The following CRYZ variants were observed in gnomAD, a reference collection of about 807,000 sequenced individuals.
The protein encoded by CRYZ is zeta-crystallin.
A neutral mutation model predicts 34.1 loss-of-function variants in CRYZ; 35 were observed. The ratio of observed to expected loss-of-function variants is 1.03; its 90% CI spans 0.78 to 1.36. CRYZ has a LOEUF of 1.36. Among genes scored for constraint, CRYZ ranks in the 40% most tolerant of loss-of-function variants. CRYZ has a pLI of 0.00. For missense variants in CRYZ, 403 were observed against 391.8 expected (o/e 1.03, Z -0.24); for synonymous variants, 137 against 136.5 (o/e 1.00, Z -0.03).
intron 2 of CRYZ, 87 bp from the exon 3 acceptor site, chr1:74,723,357 T>C: frequency 7.7e-7 from 1 of 1,306,300 alleles, no homozygotes; most frequent in Non-Finnish European, 1.1e-6. Flanking sequence ...ATGGGAGCTA[T>C]CAAAATGGGA....
At position 74,724,650 on chromosome 1, in the gene CRYZ, A is replaced by G. The variant is rs538903754; in HGVS notation, c.111+61T>C. The G allele has an allele frequency of 2.1e-5, 22 of 1,025,540 alleles. No homozygotes were observed. The African/African-American group carries it at 2.8e-4, about 13-fold the overall frequency. The allele number at this position is 1,025,540 out of a possible 1,614,324, so 63.5% of individuals were successfully genotyped here. On this transcript the variant is annotated intron_variant, in intron 2 of 8. Coordinates refer to ENST00000340866, the MANE Select transcript of CRYZ (RefSeq NM_001889.4). ...TTGTGAGTCTGCTTCTTTTTAATACAATGTGCAAGAGACTCACACTCAGTA... is the reference window on the plus strand; with the variant it reads ...TTGTGAGTCTGCTTCTTTTTAATACGATGTGCAAGAGACTCACACTCAGTA...
At chr1:74,716,209 T>C (rs1647072273) in intron 4 of CRYZ, among the ~76,000 whole-genome samples, 1 of 151,992 alleles carries the variant, frequency 6.6e-6, no homozygotes, top group Non-Finnish European at 1.5e-5. Context: ...TGTGTGTGTG[T>C]GTGTGTGTAT....
intron 1 of CRYZ, among the ~76,000 whole-genome samples, chr1:74,727,489 G>A (rs1231644297): frequency 1.3e-4 from 19 of 147,912 alleles, no homozygotes; most frequent in East Asian, 7.8e-4. Context: ...AAAATTAGCC[G>A]GGCATGGTGG....
chr1:74,706,227 T>C lies in CRYZ; in HGVS notation c.*69A>G, dbSNP rs757717987. 1.8e-4 allele frequency: 231 copies of C among 1,259,072 alleles called. No homozygotes were observed. The highest frequency in any genetic ancestry group is 3.8e-4 in the Admixed American group (14 of 36,964). The allele number at this position is 1,259,072 out of a possible 1,614,324, so 78.0% of individuals were successfully genotyped here. On this transcript the variant is annotated 3_prime_UTR_variant, in exon 9 of 9. Transcript: ENST00000340866. ...AATCGAATGTTAATTAAAGAAAAGA[T>C]AGGGTAAGTACAACTGGGGGAAAGA...
At chr1:74,707,633 G>T (rs1296831582) in intron 6 of CRYZ, 1 of 153,064 alleles carries the variant, frequency 6.5e-6, no homozygotes, top group African/African-American at 2.4e-5. Flanking sequence ...GGTTTTGCAT[G>T]ATTTTTGTTG....
intron 1 of CRYZ, among the ~76,000 whole-genome samples, chr1:74,726,947 A>G (rs1210903115): frequency 2.0e-5 from 3 of 152,138 alleles, no homozygotes; most frequent in Non-Finnish European, 4.4e-5. Context: ...GCTAAAACAC[A>G]ACAAAAGTCA....
intron 2 of CRYZ, among the ~76,000 whole-genome samples, chr1:74,724,353 G>A (rs1432993807): frequency 6.6e-6 from 1 of 152,094 alleles, no homozygotes; most frequent in Non-Finnish European, 1.5e-5. Flanking sequence ...AAGCATGAAT[G>A]CAAAAGAAAA....
At chr1:74,718,951 T>G (rs1362254129) in intron 4 of CRYZ, among the ~76,000 whole-genome samples, 1 of 152,166 alleles carries the variant, frequency 6.6e-6, no homozygotes, top group Non-Finnish European at 1.5e-5. Context: ...CTTTCCACAT[T>G]ATATATAAAT....
In CRYZ at chr1:74,723,124, A is replaced by T; in HGVS notation, c.258T>A (p.Ala86=). The T allele has an allele frequency of 1.1e-5, 18 of 1,610,866 alleles. No individual in the cohort carries two copies. The highest frequency in any genetic ancestry group is 1.5e-5 in the Non-Finnish European group (18 of 1,179,232). ...ATAATTAAAAATGCAATACCTTGAA[A>T]GCAGATGCATTATCTCCAACAGCTT... ...VIEAVGDNAS[A]FKKGDRVFTS... is the part of the protein sequence containing the mutation. The change falls in exon 3 of 9, where the codon GCT becomes GCA. Residue 86 remains alanine (A), a synonymous_variant. Coordinates refer to ENST00000340866, the MANE Select transcript of CRYZ (RefSeq NM_001889.4).
chr1:74,724,067 C>A (rs962744729), intron 2 of CRYZ, among the ~76,000 whole-genome samples: 9 of 152,042 alleles, frequency 5.9e-5, no homozygotes, highest in African/African-American at 2.2e-4. Context: ...TGTGCAAAGA[C>A]AGAGAAATGA....
In CRYZ at chr1:74,706,261, C is replaced by T; in HGVS notation, c.*35G>A. ...TACAACTGGGGGAAAGACAGTACCT[C>T]TAATTACATAGGAAATCCATGAAAG... is the stretch of plus-strand genomic sequence containing the variant. On this transcript the variant is annotated 3_prime_UTR_variant, in exon 9 of 9. Coordinates refer to ENST00000340866, the MANE Select transcript of CRYZ (RefSeq NM_001889.4). 6.4e-7 allele frequency: 1 copy of T among 1,552,290 alleles called. No individual in the cohort carries two copies. The highest frequency in any genetic ancestry group is 1.2e-5 in the South Asian group (1 of 81,838).
At chr1:74,724,042 TA>T (rs531755197) in intron 2 of CRYZ, among the ~76,000 whole-genome samples, 1 of 150,646 alleles carries the variant, frequency 6.6e-6, no homozygotes, top group African/African-American at 2.4e-5. Flanking sequence ...ATAGGTTGGG[TA>T]AAAAAAAATA....
chr1:74,720,780 C>G lies in CRYZ; in HGVS notation c.265-1408G>C, dbSNP rs1445492330. ...GATTTCAATATAATTCAAACATTTA[C>G]TGCGAATATACTACATAGAAAGCAT... On this transcript the variant is annotated intron_variant, in intron 3 of 8. Coordinates refer to ENST00000340866, the MANE Select transcript of CRYZ (RefSeq NM_001889.4). Among the ~76,000 whole-genome samples, 3 of 152,010 alleles carry G rather than the reference C, an allele frequency of 2.0e-5. No individual in the cohort carries two copies. In the East Asian group the frequency reaches 5.8e-4, roughly 29 times the overall value.
At position 74,719,306 on chromosome 1, in the gene CRYZ, C is replaced by A; in HGVS notation, c.331G>T (p.Asp111Tyr). ...GGYAEYALAA[D>Y]HTVYKLPEKL... ...TCAGGTAGTTTGTAAACAGTGTGGT[C>A]TGCTGCAAGAGCATACTCTGCATAA... Residue 111 changes from aspartate (D) to tyrosine (Y), a missense_variant, in exon 4 of 9, where the codon GAC (aspartate) becomes TAC (tyrosine). Asp to Tyr is a radical substitution (Grantham distance 160). Coordinates refer to ENST00000340866, the MANE Select transcript of CRYZ (RefSeq NM_001889.4). 1 of 1,613,886 alleles carries A rather than the reference C, an allele frequency of 6.2e-7. No individual in the cohort carries two copies. The highest frequency in any genetic ancestry group is 8.5e-7 in the Non-Finnish European group (1 of 1,179,806).
intron 4 of CRYZ, among the ~76,000 whole-genome samples, 165 bp downstream of exon 4, chr1:74,719,044 T>G (rs1647116579): frequency 6.6e-6 from 1 of 152,140 alleles, no homozygotes; most frequent in Non-Finnish European, 1.5e-5. Context: ...CCCTAGTGAT[T>G]AGCACAATTC....
At chr1:74,712,464 A>C (rs922154253) in intron 5 of CRYZ, among the ~76,000 whole-genome samples, 7 of 152,208 alleles carry the variant, frequency 4.6e-5, no homozygotes, top group African/African-American at 1.4e-4. Flanking sequence ...GTTCGGCAAG[A>C]AAAGAATTAA....
At chr1:74,713,074 C>A (rs1647025855) in intron 5 of CRYZ, among the ~76,000 whole-genome samples, 1 of 151,912 alleles carries the variant, frequency 6.6e-6, no homozygotes, top group Non-Finnish European at 1.5e-5. Flanking sequence ...AAGGCAAAAC[C>A]CAGTACTGTT....
chr1:74,723,090 A>C (rs1243515741), intron 3 of CRYZ, 28 bp downstream of exon 3: 1 of 1,599,922 alleles, frequency 6.3e-7, no homozygotes, highest in Non-Finnish European at 8.5e-7. Flanking sequence ...AAATTCAGCC[A>C]AAATAGAAAT....
intron 4 of CRYZ, 55 bp from the exon 5 acceptor site, chr1:74,714,685 G>C (rs965220561): frequency 5.7e-6 from 9 of 1,586,052 alleles, no homozygotes; most frequent in African/African-American, 1.3e-5. Context: ...AATTAATCTC[G>C]GGTGTTTTCA....
Sources: allele counts gnomAD v4.1 joint callset (sites outside exome capture counted in the v4.1 genomes callset), GRCh38; gene constraint gnomAD v4.1.1; transcripts MANE v1.5; gene names NCBI Gene and HGNC (gene_info 2026-07-23, HGNC 2026-07-21).